The following RALYL variants were observed in gnomAD, a reference collection of about 807,000 sequenced individuals.
RALYL encodes the protein RNA-binding Raly-like protein.
Under a neutral mutation model 35.1 loss-of-function variants are expected in RALYL, and 29 were observed. The observed-to-expected ratio is 0.83, with a 90% confidence interval of 0.61 to 1.13. The LOEUF is 1.13. Among genes scored for constraint, RALYL ranks in the 50% most tolerant of loss-of-function variants. The pLI is 0.00. For missense variants in RALYL, 359 were observed against 360.4 expected, an observed-to-expected ratio of 1.00 and a Z score of 0.03; for synonymous variants, 120 against 127.6, an observed-to-expected ratio of 0.94 and a Z score of 0.40.
chr8:84,356,601 A>G lies in RALYL; in HGVS notation c.-24+172177A>G, dbSNP rs568789825. On this transcript the variant is annotated intron_variant, in intron 1 of 8. Transcript: ENST00000521268. ...CTCCAAGACTCCAGAAGATTCATTT[A>G]TAGGTCTACCCAGCCATGGCCTCTC... Among the ~76,000 whole-genome samples the G allele has an allele frequency of 7.3e-5, 11 of 150,390 alleles. No homozygotes were observed. The South Asian group carries it at 2.1e-3, about 28-fold the overall frequency.
At chr8:84,371,846 T>TAGAG (rs1855789854) in intron 1 of RALYL, among the ~76,000 whole-genome samples, 1 of 152,078 alleles carries the variant, frequency 6.6e-6, no homozygotes, top group African/African-American at 2.4e-5. Flanking sequence ...TATACATATA[T>TAGAG]AGAGAGACAG....
intron 1 of RALYL, among the ~76,000 whole-genome samples, chr8:84,204,959 AC>A (rs1817722762): frequency 1.3e-5 from 2 of 152,146 alleles, no homozygotes; most frequent in Admixed American, 1.3e-4. Flanking sequence ...CTGGAGGCTC[AC>A]TGGGCCTATG....
At chr8:84,696,286 C>T (rs1229850559) in intron 2 of RALYL, among the ~76,000 whole-genome samples, 1 of 151,292 alleles carries the variant, frequency 6.6e-6, no homozygotes, top group Non-Finnish European at 1.5e-5. Flanking sequence ...CAGATGGGAA[C>T]ATAGCTATTT....
intron 1 of RALYL, among the ~76,000 whole-genome samples, chr8:84,493,438 G>A (rs2055582749): frequency 1.3e-5 from 2 of 152,082 alleles, no homozygotes; most frequent in Admixed American, 1.3e-4. Flanking sequence ...ACCAAGTAAT[G>A]GGAATGCTGG....
At chr8:84,828,318 C>A (rs765591499) in intron 4 of RALYL, among the ~76,000 whole-genome samples, 1 of 152,102 alleles carries the variant, frequency 6.6e-6, no homozygotes. Flanking sequence ...AAATGCAATG[C>A]AAGAAAAGAT....
chr8:84,264,885 A>G (rs1305544161), intron 1 of RALYL, among the ~76,000 whole-genome samples: 1 of 152,222 alleles, frequency 6.6e-6, no homozygotes, highest in African/African-American at 2.4e-5. Context: ...TGATGTAGGA[A>G]AACTGTGGTA....
intron 3 of RALYL, among the ~76,000 whole-genome samples, chr8:84,783,484 C>T (rs73300171): frequency 0.021 from 3,135 of 152,254 alleles, 119 homozygotes; most frequent in African/African-American, 0.071. Flanking sequence ...GGATTGACAG[C>T]ACCATTTGTC....
At chr8:84,626,929 C>T (rs928617627) in intron 2 of RALYL, among the ~76,000 whole-genome samples, 6 of 152,154 alleles carry the variant, frequency 3.9e-5, no homozygotes, top group African/African-American at 1.2e-4. Context: ...TTTCGTGTGA[C>T]ACTGACAGAC....
At chr8:84,202,680 AT>A (rs1817165639) in intron 1 of RALYL, among the ~76,000 whole-genome samples, 1 of 152,014 alleles carries the variant, frequency 6.6e-6, no homozygotes, top group East Asian at 1.9e-4. Context: ...CCCTGAAGGG[AT>A]TTTTAGAAGT....
At chr8:84,382,709 G>A (rs1358206338) in intron 1 of RALYL, among the ~76,000 whole-genome samples, 1 of 151,386 alleles carries the variant, frequency 6.6e-6, no homozygotes, top group African/African-American at 2.4e-5. Context: ...GAAATGCCAG[G>A]CATTTCACTT....
intron 1 of RALYL, among the ~76,000 whole-genome samples, chr8:84,423,433 C>T (rs1231925373): frequency 6.6e-6 from 1 of 151,604 alleles, no homozygotes; most frequent in African/African-American, 2.4e-5. Context: ...TATTTTGAGC[C>T]TATGTGTGTC....
At chr8:84,299,327 C>T (rs1231722835) in intron 1 of RALYL, among the ~76,000 whole-genome samples, 2 of 151,982 alleles carry the variant, frequency 1.3e-5, no homozygotes, top group African/African-American at 2.4e-5. Context: ...CCTACTTGAT[C>T]GTGGTGGACT....
intron 1 of RALYL, among the ~76,000 whole-genome samples, chr8:84,320,493 A>T (rs1844603353): frequency 1.3e-5 from 2 of 152,018 alleles, no homozygotes; most frequent in Non-Finnish European, 2.9e-5. Context: ...CATTGTAATA[A>T]AGCTGTACTC....
At chr8:84,203,731 C>A (rs1817439249) in intron 1 of RALYL, among the ~76,000 whole-genome samples, 1 of 152,080 alleles carries the variant, frequency 6.6e-6, no homozygotes, top group Admixed American at 6.5e-5. Context: ...TGCATTTACA[C>A]AGTTTTAGTT....
At chr8:84,471,254 C>G (rs2052705255) in intron 1 of RALYL, among the ~76,000 whole-genome samples, 1 of 151,984 alleles carries the variant, frequency 6.6e-6, no homozygotes, top group Non-Finnish European at 1.5e-5. Flanking sequence ...AAAATTAGCT[C>G]TTTGTTTAGG....
At chr8:84,238,233 A>G (rs1827048501) in intron 1 of RALYL, among the ~76,000 whole-genome samples, 1 of 152,086 alleles carries the variant, frequency 6.6e-6, no homozygotes, top group African/African-American at 2.4e-5. Context: ...ATGAATTAAA[A>G]ATTGGGAAAT....
intron 1 of RALYL, among the ~76,000 whole-genome samples, chr8:84,450,582 T>C (rs2049356402): frequency 6.6e-6 from 1 of 152,022 alleles, no homozygotes; most frequent in Non-Finnish European, 1.5e-5. Context: ...CAGCACCATT[T>C]TCACAATACC....
chr8:84,727,866 T>A (rs189039296), intron 2 of RALYL, among the ~76,000 whole-genome samples: 1 of 152,176 alleles, frequency 6.6e-6, no homozygotes, highest in East Asian at 1.9e-4. Context: ...CTTAATCCAG[T>A]CTATCATTGT....
chr8:84,555,794 T>C (rs2061074981), intron 2 of RALYL, among the ~76,000 whole-genome samples: 2 of 152,240 alleles, frequency 1.3e-5, no homozygotes, highest in South Asian at 4.1e-4. Flanking sequence ...TAACATTTTC[T>C]AAATTTAGAT....
Sources: allele counts gnomAD v4.1 joint callset (sites outside exome capture counted in the v4.1 genomes callset), GRCh38; gene constraint gnomAD v4.1.1; transcripts MANE v1.5; gene names NCBI Gene and HGNC (gene_info 2026-07-23, HGNC 2026-07-21).